Variants in DIXDC1 observed in about 807,000 individuals in gnomAD.
DIXDC1 encodes the protein DIX domain containing 1, also known as dixin.
DIXDC1 carries 64 observed loss-of-function variants against 103.1 expected under a neutral mutation model. The ratio of observed to expected loss-of-function variants is 0.62; its 90% CI spans 0.51 to 0.76. The LOEUF (loss-of-function observed/expected upper bound fraction) is 0.76, where lower values mean the gene tolerates loss of function less well. Ranked by LOEUF, DIXDC1 falls within the 30% of genes least tolerant of loss-of-function variation. The probability of loss-of-function intolerance (pLI) is 0.00; values close to 1 mark genes in which losing one functional copy is unlikely to be tolerated. For missense variants in DIXDC1, 759 were observed against 834.2 expected (o/e 0.91, Z 1.11); for synonymous variants, 266 against 298.5 (o/e 0.89, Z 1.12).
At chr11:111,994,567 GTATGTATGTATGTGTATAT>G (rs1266634503) in intron 14 of DIXDC1, among the ~76,000 whole-genome samples, 1 of 149,600 alleles carries the variant, frequency 6.7e-6, no homozygotes, top group Non-Finnish European at 1.5e-5. Flanking sequence ...ATATGTATAT[GTATGTATGTATGTGTATAT>G]TATGTATGTA....
At position 111,950,410 on chromosome 11, in the gene DIXDC1, GTATATATATATA is replaced by G. The variant is rs1555169787; in HGVS notation, c.60+12869_60+12880del. ...TTTTATTTTTGTGGGTACAAAGTAG[GTATATATATATA>G]TATATATATATATATATTTTTTTTT... is the stretch of plus-strand genomic sequence containing the variant. On this transcript the variant is annotated intron_variant, in intron 1 of 19. Transcript: ENST00000440460. Among the ~76,000 whole-genome samples, 89 of 25,032 alleles carry G rather than the reference GTATATATATATA, an allele frequency of 3.6e-3. 2 individuals carry two copies. The highest frequency in any genetic ancestry group is 8.6e-3 in the East Asian group (4 of 466). The allele number at this position is 25,032 out of a possible 152,430, so 16.4% of individuals were successfully genotyped here. A position where few individuals can be genotyped will look rare whatever the true frequency, so the allele number is the denominator to read the frequency against.
At chr11:111,929,732 G>T in intron 1 of DIXDC1, 1 of 800,172 alleles carries the variant, frequency 1.2e-6, no homozygotes, top group East Asian at 2.7e-5. Context: ...TTGGGGAGGG[G>T]TCTGGCCCCA....
chr11:111,958,167 G>A lies in DIXDC1; in HGVS notation c.61-6382G>A. Reference sequence around the variant, plus strand: ...GACCCAGGCATCCCTGTGCTCTTGTGGGCCAGAAGCAGGTAGGAGTCCCGG... The same window carrying A: ...GACCCAGGCATCCCTGTGCTCTTGTAGGCCAGAAGCAGGTAGGAGTCCCGG... On this transcript the variant is annotated intron_variant, in intron 1 of 19. Transcript: ENST00000440460. The surrounding 1 kb of genome is among the most constrained non-coding windows in gnomAD (Gnocchi z 4.2). Among the ~76,000 whole-genome samples, 1 of 151,750 alleles carries A rather than the reference G, an allele frequency of 6.6e-6. No individual in the cohort carries two copies. Among genetic ancestry groups the A allele is most frequent in the Non-Finnish European group, 1.5e-5 (1 of 67,904 alleles).
At chr11:111,985,418 CT>C (rs1860457651) in intron 8 of DIXDC1, 97 bp downstream of exon 8, 1 of 939,234 alleles carries the variant, frequency 1.1e-6, no homozygotes, top group African/African-American at 1.7e-5. Flanking sequence ...GAAATGCTGT[CT>C]TCCTTGACCA....
rs1252420283 is a variant in DIXDC1, at chr11:112,020,881, C to T, written c.*1845C>T. 6.6e-6 allele frequency: 1 copy of T among 152,192 alleles called. No homozygotes were observed. Among genetic ancestry groups the T allele is most frequent in the Non-Finnish European group, 1.5e-5 (1 of 68,032 alleles). The allele number at this position is 152,192 out of a possible 1,614,324, so 9.4% of individuals were successfully genotyped here. The stretch of plus-strand genomic sequence containing the variant: ...AGTCAGCAAAAGAAAGAATGCATTT[C>T]GAAAGCAAACAGAAGAAAAAAGTAT... On this transcript the variant is annotated 3_prime_UTR_variant, in exon 20 of 20. Coordinates refer to ENST00000440460, the MANE Select transcript of DIXDC1 (RefSeq NM_001037954.4).
intron 10 of DIXDC1, among the ~76,000 whole-genome samples, chr11:111,989,460 T>TAAA (rs1555174272): frequency 6.6e-6 from 1 of 151,574 alleles, no homozygotes; most frequent in Non-Finnish European, 1.5e-5. Context: ...CCATCTCTAC[T>TAAA]AAAAATACAA....
rs1555172733 is a variant in DIXDC1, at chr11:111,977,420, G to GA, written c.656+2438dup. 3 of 1,176,606 alleles carry GA rather than the reference G, an allele frequency of 2.5e-6. No homozygotes were observed. Among genetic ancestry groups the GA allele is most frequent in the African/African-American group, 1.6e-5 (1 of 60,706 alleles). 72.9% of individuals were successfully genotyped at this position (1,176,606 alleles called of 1,614,324 possible). ...GGGTTGAGATGCCCCCGCCAGGGGGGATGCCCGGCACCGTGCGTCCGCGGA... is the reference window on the plus strand; with the variant it reads ...GGGTTGAGATGCCCCCGCCAGGGGGGAATGCCCGGCACCGTGCGTCCGCGGA... On this transcript the variant is annotated intron_variant, in intron 5 of 19. Coordinates refer to ENST00000440460, the MANE Select transcript of DIXDC1 (RefSeq NM_001037954.4). The surrounding 1 kb of genome is among the most constrained non-coding windows in gnomAD (Gnocchi z 6.1).
rs1391967637 is a variant in DIXDC1 at position 112,021,812 on chromosome 11, A to G, written c.*2776A>G. ...CAACGTAGGAAGACTCCGTCTCTACATAGAAATTTTATTATAAAAGTAGCT... is the reference window on the plus strand; with the variant it reads ...CAACGTAGGAAGACTCCGTCTCTACGTAGAAATTTTATTATAAAAGTAGCT... On this transcript the variant is annotated 3_prime_UTR_variant, in exon 20 of 20. Transcript: ENST00000440460. 1 of 151,836 alleles carries G rather than the reference A, an allele frequency of 6.6e-6. No individual in the cohort carries two copies. The highest frequency in any genetic ancestry group is 1.5e-5 in the Non-Finnish European group (1 of 67,984). The allele number at this position is 151,836 out of a possible 1,614,324, so 9.4% of individuals were successfully genotyped here.
rs1555177784 is a variant in DIXDC1 at position 112,016,770 on chromosome 11, G to C, written c.1836G>C (p.Thr612=). 6.2e-7 allele frequency: 1 copy of C among 1,607,732 alleles called. No homozygotes were observed. The highest frequency in any genetic ancestry group is 1.3e-5 in the African/African-American group (1 of 74,866). The part of the protein sequence containing the change: ...KVLYFTDRSL[T]PFMVNIPKRL... Reference sequence around the variant, plus strand: ...TCTATTTCACTGACCGGTCACTTACGCCCTTCATGGTCAATATACCAAAGA... The same window carrying C: ...TCTATTTCACTGACCGGTCACTTACCCCCTTCATGGTCAATATACCAAAGA... Residue 612 remains threonine, a synonymous_variant, in exon 18 of 20, where the codon ACG becomes ACC. Transcript: ENST00000440460.
At position 111,998,866 on chromosome 11, in the gene DIXDC1, C is replaced by A. The variant is rs1288049529; in HGVS notation, c.1756+2720C>A. On this transcript the variant is annotated intron_variant, in intron 17 of 19. Coordinates refer to ENST00000440460, the MANE Select transcript of DIXDC1 (RefSeq NM_001037954.4). This position sits in a 1 kb window ranked among gnomAD's most constrained non-coding sequence, Gnocchi z 4.1. Reference sequence around the variant, plus strand: ...ATATTTTTAAATGTAAACTAGATATCTCTCTCTGTAGGTCCCAAGGCACTG... The same window carrying A: ...ATATTTTTAAATGTAAACTAGATATATCTCTCTGTAGGTCCCAAGGCACTG... Among the ~76,000 whole-genome samples, 2 of 152,112 alleles carry A rather than the reference C, an allele frequency of 1.3e-5. No homozygotes were observed. The highest frequency in any genetic ancestry group is 2.9e-5 in the Non-Finnish European group (2 of 68,012).
intron 5 of DIXDC1, among the ~76,000 whole-genome samples, chr11:111,978,124 T>C (rs1209280908): frequency 6.6e-6 from 1 of 152,180 alleles, no homozygotes; most frequent in Non-Finnish European, 1.5e-5. Flanking sequence ...CAGGATTGCT[T>C]GTCTGATAAA....
intron 17 of DIXDC1, among the ~76,000 whole-genome samples, chr11:111,999,333 T>C (rs1216438357): frequency 6.6e-6 from 1 of 152,200 alleles, no homozygotes; most frequent in East Asian, 1.9e-4. Flanking sequence ...TAAAAACCCA[T>C]ATAACCAGAG....
Position 111,947,079 on chromosome 11 carries a change from T to C in DIXDC1, c.60+9520T>C, listed in dbSNP as rs1327894153. Among the ~76,000 whole-genome samples, 6 of 152,272 alleles carry C rather than the reference T, an allele frequency of 3.9e-5. No individual in the cohort carries two copies. The East Asian group carries it at 1.2e-3, about 29-fold the overall frequency. On this transcript the variant is annotated intron_variant, in intron 1 of 19. Transcript: ENST00000440460. ...TTGGTGTTTATATTTGTTTTGGTTC[T>C]TGTTTTCAGCTGCTGTGTGAAGCCC...
chr11:112,012,588 C>A (rs1269278503), intron 17 of DIXDC1, among the ~76,000 whole-genome samples: 1 of 152,146 alleles, frequency 6.6e-6, no homozygotes, highest in Non-Finnish European at 1.5e-5. Context: ...TAAGCTATAA[C>A]TATTAATCAC....
At chr11:111,999,685 T>C (rs1253780123) in intron 17 of DIXDC1, among the ~76,000 whole-genome samples, 4 of 147,898 alleles carry the variant, frequency 2.7e-5, no homozygotes, top group Non-Finnish European at 4.5e-5. Flanking sequence ...GCCAACATGG[T>C]GAAACCCTGT....
chr11:111,996,212 C>T (rs587595193), intron 17 of DIXDC1, 66 bp downstream of exon 17: 3 of 1,423,848 alleles, frequency 2.1e-6, no homozygotes, highest in South Asian at 2.5e-5. Context: ...GTATTTTTCA[C>T]ACTACATTTT....
At chr11:111,936,807 CCCACCTT>C (rs1288340479), upstream of DIXDC1, among the ~76,000 whole-genome samples, 1 of 152,092 alleles carries the variant, frequency 6.6e-6, no homozygotes, top group African/African-American at 2.4e-5. Flanking sequence ...CCCTTTCCCA[CCCACCTT>C]CTGGTGGGCC....
At chr11:111,991,160 C>T (rs1277870200) in intron 10 of DIXDC1, among the ~76,000 whole-genome samples, 2 of 152,148 alleles carry the variant, frequency 1.3e-5, no homozygotes, top group African/African-American at 4.8e-5. Context: ...AGGTATATTC[C>T]GTAGGCTTAG....
At chr11:111,943,487 C>T (rs1334471517) in intron 1 of DIXDC1, among the ~76,000 whole-genome samples, 7 of 113,428 alleles carry the variant, frequency 6.2e-5, no homozygotes, top group African/African-American at 7.0e-5. Context: ...TTCTTTCTCT[C>T]TTTTTTTTTT....
Sources: gnomAD v4.1 joint callset for allele counts (sites outside exome capture counted in the v4.1 genomes callset) on GRCh38, gnomAD v4.1.1 for gene constraint, Gnocchi (gnomAD v3.1) non-coding constraint, MANE v1.5 for transcripts, NCBI Gene and HGNC (gene_info 2026-07-23, HGNC 2026-07-21) for gene names.